The following DGLUCY variants were observed in gnomAD, a reference collection of about 807,000 sequenced individuals.
DGLUCY encodes the protein D-glutamate cyclase, mitochondrial.
Under a neutral mutation model 58.5 loss-of-function variants are expected in DGLUCY, and 58 were observed. That is an observed-to-expected ratio of 0.99 (90% CI 0.80 to 1.23). The LOEUF (loss-of-function observed/expected upper bound fraction) is 1.23, where lower values mean the gene tolerates loss of function less well. DGLUCY is among the 50% of genes most tolerant of loss of function. The probability of loss-of-function intolerance (pLI) is 0.00; values close to 1 mark genes in which losing one functional copy is unlikely to be tolerated. For missense variants in DGLUCY, 779 were observed against 784.7 expected (o/e 0.99, Z 0.09); for synonymous variants, 325 against 314.1 (o/e 1.03, Z -0.37).
intron 7 of DGLUCY, among the ~76,000 whole-genome samples, chr14:91,177,838 T>C (rs1044489189): frequency 9.9e-5 from 15 of 152,268 alleles, no homozygotes; most frequent in Admixed American, 2.0e-4. Context: ...GTTGAGAACC[T>C]GCTATGTGCC....
In DGLUCY at chr14:91,167,232, A is replaced by T; in HGVS notation, c.111A>T (p.Arg37=). The part of the protein sequence containing the change: ...RNTSSMAGEL[R]PASLVVLPRS... ...TTCTCCCACCATACCCAGAGCTCCG[A>T]CCAGCCAGCCTGGTGGTCCTGCCCA... Residue 37 remains arginine (R), a synonymous_variant, in exon 4 of 14, where the codon CGA becomes CGT. Transcript: ENST00000256324. 1 of 1,588,770 alleles carries T rather than the reference A, an allele frequency of 6.3e-7. No individual in the cohort carries two copies. Among genetic ancestry groups the T allele is most frequent in the Non-Finnish European group, 8.5e-7 (1 of 1,172,620 alleles).
intron 4 of DGLUCY, chr14:91,167,646 T>C (rs1388345299): frequency 1.4e-6 from 1 of 705,738 alleles, no homozygotes; most frequent in South Asian, 1.5e-5. Flanking sequence ...CTCTGCCATC[T>C]GTCCACTCCA....
At chr14:91,143,021 C>A (rs2046807420) in intron 1 of DGLUCY, among the ~76,000 whole-genome samples, 1 of 97,648 alleles carries the variant, frequency 1.0e-5, no homozygotes, top group Admixed American at 1.1e-4. Context: ...CACAGCGAGA[C>A]TCCCTCTCAA....
chr14:91,160,465 T>A, intron 3 of DGLUCY, 68 bp downstream of exon 3: 1 of 1,172,246 alleles, frequency 8.5e-7, no homozygotes, highest in Non-Finnish European at 1.2e-6. Flanking sequence ...AATTACCAGC[T>A]GTGTAGGGCC....
At chr14:91,165,153 CCTAGTATAGT>C in intron 3 of DGLUCY, 2 of 445,644 alleles carry the variant, frequency 4.5e-6, no homozygotes, top group Non-Finnish European at 9.0e-6. Context: ...TGTTTCATTA[CCTAGTATAGT>C]TCCTTTAATG....
upstream of DGLUCY, among the ~76,000 whole-genome samples, chr14:91,113,360 C>T (rs373477227): frequency 5.7e-4 from 87 of 152,306 alleles, no homozygotes; most frequent in African/African-American, 1.9e-3. Flanking sequence ...TTCAGTGCTC[C>T]ACGTTGTCCA....
At chr14:91,182,578 A>G (rs2049249438) in intron 8 of DGLUCY, among the ~76,000 whole-genome samples, 1 of 152,180 alleles carries the variant, frequency 6.6e-6, no homozygotes. Context: ...GACTGCAGGC[A>G]TAAGCCACCT....
chr14:91,065,224 G>A (rs561248716), intron 1 of DGLUCY, among the ~76,000 whole-genome samples: 6 of 152,318 alleles, frequency 3.9e-5, no homozygotes, highest in Admixed American at 2.0e-4. Context: ...TTGTATAAAC[G>A]CTGATTAGCA....
At chr14:91,147,097 A>T (rs1443376808) in intron 1 of DGLUCY, among the ~76,000 whole-genome samples, 1 of 152,156 alleles carries the variant, frequency 6.6e-6, no homozygotes, top group Non-Finnish European at 1.5e-5. Context: ...TTCCTCTCTG[A>T]GTCCTCAGGA....
At chr14:91,166,361 G>A (rs1377288669) in intron 3 of DGLUCY, among the ~76,000 whole-genome samples, 1 of 152,136 alleles carries the variant, frequency 6.6e-6, no homozygotes, top group Non-Finnish European at 1.5e-5. Flanking sequence ...TGTAGGTAAT[G>A]CTTCAATCAA....
intron 13 of DGLUCY, chr14:91,216,105 G>A (rs146282233): frequency 7.5e-4 from 167 of 222,908 alleles, no homozygotes; most frequent in African/African-American, 3.6e-3. Flanking sequence ...GGGAGGAATG[G>A]GGGGAGCAGG....
chr14:91,149,234 C>T (rs549491195), intron 1 of DGLUCY, among the ~76,000 whole-genome samples: 21 of 146,374 alleles, frequency 1.4e-4, no homozygotes, highest in Middle Eastern at 3.5e-3. Context: ...GCAACAAGAG[C>T]GAAACTCTAT....
At chr14:91,108,526 TGAGAGAGAGAGA>T (rs1194090963) in intron 1 of DGLUCY, among the ~76,000 whole-genome samples, 1 of 52,180 alleles carries the variant, frequency 1.9e-5, no homozygotes, top group Admixed American at 2.7e-4. Flanking sequence ...TGTGTGTGTG[TGAGAGAGAGAGA>T]GAGAGAGAGA....
rs187276231 is a variant in DGLUCY at position 91,160,502 on chromosome 14, T to C, written c.103+105T>C. On this transcript the variant is annotated intron_variant, in intron 3 of 13. Transcript: ENST00000256324. The stretch of plus-strand genomic sequence containing the variant: ...ACAAACTCCTAAGACTTCTAGATTC[T>C]GCATAGGAAACAGAAAGTAAGAGCA... 7.7e-6 allele frequency: 6 copies of C among 781,466 alleles called. No individual in the cohort carries two copies. In the Admixed American group the frequency reaches 1.7e-4, roughly 22 times the overall value. 48.4% of individuals were successfully genotyped at this position (781,466 alleles called of 1,614,324 possible).
At chr14:91,081,000 C>T (rs1234978717) in intron 1 of DGLUCY, among the ~76,000 whole-genome samples, 1 of 152,088 alleles carries the variant, frequency 6.6e-6, no homozygotes, top group East Asian at 1.9e-4. Context: ...GTCAGGAGTT[C>T]GAGACCACCT....
intron 1 of DGLUCY, among the ~76,000 whole-genome samples, chr14:91,148,286 C>A (rs1382571878): frequency 1.3e-5 from 2 of 151,666 alleles, no homozygotes; most frequent in African/African-American, 4.8e-5. Context: ...CTCACTGCAA[C>A]CTCCACCCCC....
At chr14:91,196,597 A>G in intron 10 of DGLUCY, 123 bp downstream of exon 10, 1 of 767,346 alleles carries the variant, frequency 1.3e-6, no homozygotes. Flanking sequence ...GAGCCAAGGA[A>G]GATGGGTTCT....
chr14:91,127,459 CT>C (rs981689323), intron 1 of DGLUCY, among the ~76,000 whole-genome samples: 2 of 152,272 alleles, frequency 1.3e-5, no homozygotes, highest in Non-Finnish European at 2.9e-5. Context: ...CCTGCCCCCT[CT>C]ACACCCCGTT....
chr14:91,170,962 T>C (rs1238898241), intron 5 of DGLUCY, among the ~76,000 whole-genome samples: 3 of 152,206 alleles, frequency 2.0e-5, no homozygotes, highest in African/African-American at 7.2e-5. Context: ...CCCAGCTGCC[T>C]CTGATCAGCA....
Sources: allele counts gnomAD v4.1 joint callset (sites outside exome capture counted in the v4.1 genomes callset), GRCh38; gene constraint gnomAD v4.1.1; transcripts MANE v1.5; gene names NCBI Gene and HGNC (gene_info 2026-07-23, HGNC 2026-07-21).